The following PAPPA2 variants were observed in gnomAD, a reference collection of about 807,000 sequenced individuals.
PAPPA2 encodes pappalysin-2.
Under a neutral mutation model 176.4 loss-of-function variants are expected in PAPPA2, and 86 were observed. The observed-to-expected ratio is 0.49, with a 90% CI of 0.41 to 0.58. PAPPA2 has a LOEUF of 0.58. PAPPA2 is among the 20% of genes least tolerant of loss of function. The pLI, the probability that PAPPA2 is intolerant of heterozygous loss-of-function variation, is 0.00. For synonymous variants in PAPPA2, 809 were observed against 852.2 expected (o/e 0.95, Z 0.88); for missense variants, 2,073 against 2,256.9 (o/e 0.92, Z 1.65).
chr1:176,676,696 A>T (rs1252651377), intron 4 of PAPPA2, among the ~76,000 whole-genome samples: 2 of 151,786 alleles, frequency 1.3e-5, no homozygotes, highest in East Asian at 3.9e-4. Flanking sequence ...GGTGGTGATT[A>T]CACAAATGTA....
intron 14 of PAPPA2, among the ~76,000 whole-genome samples, chr1:176,765,361 A>C (rs1323622490): frequency 1.3e-5 from 2 of 152,170 alleles, no homozygotes; most frequent in Non-Finnish European, 2.9e-5. Context: ...CCCATGATCT[A>C]TTCATTTCTG....
rs751388811 is a variant in PAPPA2 at position 176,594,554 on chromosome 1, G to A, written c.950G>A (p.Ser317Asn). 6.8e-6 allele frequency: 11 copies of A among 1,614,036 alleles called. No individual in the cohort carries two copies. In the East Asian group the frequency reaches 2.5e-4, roughly 36 times the overall value. The change falls in exon 3 of 23, where the codon AGT becomes AAT. Residue 317 changes from serine to asparagine, a missense_variant. By Grantham distance (46) the Ser-to-Asn change is conservative. Transcript: ENST00000367662. ...GVFDNCSHTV[S>N]DKGWALGIRS... ...TTTGATAACTGCTCCCACACTGTCA[G>A]TGACAAAGGCTGGGCCCTGGGGATC...
rs1270778328 is a variant in PAPPA2 at position 176,845,265 on chromosome 1, C to G, written c.*2811C>G. The G allele has an allele frequency of 6.6e-6, 1 of 152,138 alleles. No individual in the cohort carries two copies. The highest frequency in any genetic ancestry group is 1.5e-5 in the Non-Finnish European group (1 of 68,034). The allele number at this position is 152,138 out of a possible 1,614,324, so 9.4% of individuals were successfully genotyped here. On this transcript the variant is annotated 3_prime_UTR_variant, in exon 23 of 23. Transcript: ENST00000367662. Reference sequence around the variant, plus strand: ...CCAGGTGGCCCAGGGCTAGCTGGCTCTAACAACTAGCATGACAGCCTCCAA... The same window carrying G: ...CCAGGTGGCCCAGGGCTAGCTGGCTGTAACAACTAGCATGACAGCCTCCAA...
chr1:176,636,671 G>A (rs1026857771), intron 3 of PAPPA2, among the ~76,000 whole-genome samples: 12 of 152,054 alleles, frequency 7.9e-5, no homozygotes, highest in African/African-American at 2.9e-4. Flanking sequence ...AAATTCTGGT[G>A]CTTGAACTCT....
chr1:176,789,897 T>A lies in PAPPA2; in HGVS notation c.4804T>A (p.Phe1602Ile). ...GGTGTGTGAGCCACCCCCTCCTGTG[T>A]TTGAAGGCATGTATGAATGTACCAA... Reference protein sequence around the residue: ...PVVCEPPPPVFEGMYECTNGF... With the variant: ...PVVCEPPPPVIEGMYECTNGF... The change falls in exon 18 of 23, where the codon TTT becomes ATT. Residue 1602 changes from phenylalanine (F) to isoleucine (I), a missense_variant. Physicochemically the swap from Phe to Ile is conservative, Grantham distance 21. Coordinates refer to ENST00000367662, the MANE Select transcript of PAPPA2 (RefSeq NM_020318.3). The A allele has an allele frequency of 6.2e-7, 1 of 1,614,182 alleles. No homozygotes were observed. Among genetic ancestry groups the A allele is most frequent in the Non-Finnish European group, 8.5e-7 (1 of 1,180,020 alleles).
At chr1:176,768,724 C>T (rs1346709469) in intron 15 of PAPPA2, among the ~76,000 whole-genome samples, 1 of 152,114 alleles carries the variant, frequency 6.6e-6, no homozygotes, top group Non-Finnish European at 1.5e-5. Flanking sequence ...CGATAAATAT[C>T]TCTTGATTGA....
chr1:176,814,323 T>A (rs764147318), intron 21 of PAPPA2, among the ~76,000 whole-genome samples: 1 of 152,188 alleles, frequency 6.6e-6, no homozygotes, highest in Non-Finnish European at 1.5e-5. Flanking sequence ...CTGTGAAGAA[T>A]GTCAATGGTA....
intron 2 of PAPPA2, among the ~76,000 whole-genome samples, chr1:176,586,814 G>A (rs1259136404): frequency 2.0e-5 from 3 of 152,178 alleles, no homozygotes; most frequent in Non-Finnish European, 2.9e-5. Context: ...ATCCAGTAAT[G>A]TGATTGCTGG....
intron 1 of PAPPA2, among the ~76,000 whole-genome samples, chr1:176,541,961 C>T (rs1184433105): frequency 6.6e-6 from 1 of 152,118 alleles, no homozygotes. Context: ...TTCAAAATGT[C>T]AACATAAAGA....
Position 176,690,400 on chromosome 1 carries a change from G to GCTC in PAPPA2, c.2403_2405dup (p.Pro802dup), listed in dbSNP as rs1287341570. The GCTC allele has an allele frequency of 1.9e-6, 3 of 1,613,994 alleles. No homozygotes were observed. In the African/African-American group the frequency reaches 4.0e-5, roughly 22 times the overall value. ...CTGTGGCTTCACTCGCTTCCCAGGG[G>GCTC]CTCCGTTCACCAACTACATGAGCTA... is the stretch of plus-strand genomic sequence containing the variant. On this transcript the variant is annotated inframe_insertion, in exon 5 of 23. Coordinates refer to ENST00000367662, the MANE Select transcript of PAPPA2 (RefSeq NM_020318.3).
Position 176,682,651 on chromosome 1 carries a change from A to T in PAPPA2, c.2138-7486A>T, listed in dbSNP as rs1659640173. On this transcript the variant is annotated intron_variant, in intron 4 of 22. Coordinates refer to ENST00000367662, the MANE Select transcript of PAPPA2 (RefSeq NM_020318.3). The stretch of plus-strand genomic sequence containing the variant: ...ATATCCAATAAATTATTAGCTATAA[A>T]AAATAAAGATTCACTTCTCTTTCTA... Among the ~76,000 whole-genome samples, 3 of 151,874 alleles carry T rather than the reference A, an allele frequency of 2.0e-5. No individual in the cohort carries two copies. In the Middle Eastern group the frequency reaches 0.01, roughly 517 times the overall value.
At chr1:176,727,983 T>G (rs1267744950) in intron 12 of PAPPA2, among the ~76,000 whole-genome samples, 1 of 151,922 alleles carries the variant, frequency 6.6e-6, no homozygotes, top group Admixed American at 6.6e-5. Flanking sequence ...TTGAAATTTG[T>G]GGATGCAATT....
rs1407419464 is a variant in PAPPA2 at position 176,710,137 on chromosome 1, G to A, written c.3612G>A (p.Lys1204=). ...ACTCCTCTCATGAAGACAAGAAGAAGTGTCCTGTTTCCTTGGTAACTGGAG... is the reference window on the plus strand; with the variant it reads ...ACTCCTCTCATGAAGACAAGAAGAAATGTCCTGTTTCCTTGGTAACTGGAG... The part of the protein sequence containing the change: ...RAYSSHEDKK[K]CPVSLVTGEP... The change falls in exon 11 of 23, where the codon AAG becomes AAA. Residue 1204 remains lysine, a synonymous_variant. Coordinates refer to ENST00000367662, the MANE Select transcript of PAPPA2 (RefSeq NM_020318.3). The A allele has an allele frequency of 3.7e-6, 6 of 1,613,790 alleles. No homozygotes were observed. In the South Asian group the frequency reaches 4.4e-5, roughly 12 times the overall value.
In PAPPA2 at chr1:176,692,311, T is replaced by A. The variant is rs1454248960; in HGVS notation, c.2617T>A (p.Tyr873Asn). 14 of 1,610,218 alleles carry A rather than the reference T, an allele frequency of 8.7e-6. No homozygotes were observed. The South Asian group carries it at 1.5e-4, about 18-fold the overall frequency. ...HWLPPISGVVYDRASGSLCGA... is the reference protein window; with the variant it reads ...HWLPPISGVVNDRASGSLCGA... Reference sequence around the variant, plus strand: ...GCTGCCTCCTATTAGTGGAGTTGTATATGACAGGTGAGAGAGGCACTGGCT... The same window carrying A: ...GCTGCCTCCTATTAGTGGAGTTGTAAATGACAGGTGAGAGAGGCACTGGCT... The change falls in exon 6 of 23, where the codon TAT (tyrosine) becomes AAT (asparagine). Residue 873 changes from tyrosine (Y) to asparagine (N), a missense_variant. Physicochemically the swap from Tyr to Asn is moderately radical, Grantham distance 143 (BLOSUM62 -2). Transcript: ENST00000367662.
rs1182097021 is a variant in PAPPA2 at position 176,840,267 on chromosome 1, A to G, written c.5297A>G (p.Lys1766Arg). 2 of 1,610,402 alleles carry G rather than the reference A, an allele frequency of 1.2e-6. No homozygotes were observed. The highest frequency in any genetic ancestry group is 1.7e-6 in the Non-Finnish European group (2 of 1,177,148). ...TGCTGCTCTTCCACACTCTCCTCCA[A>G]GAAGGTGAGTGAGAGAACCTGGGGA... Reference protein sequence around the residue: ...GDCCSSTLSSKKVIPFAADCD... With the variant: ...GDCCSSTLSSRKVIPFAADCD... The change falls in exon 22 of 23, where the codon AAG becomes AGG. Residue 1766 changes from lysine (K) to arginine (R), a missense_variant. Physicochemically the swap from Lys to Arg is conservative, Grantham distance 26. This residue lies in a region of PAPPA2 where 27 missense variants were observed against 52.1 expected (regional missense o/e 0.52). Coordinates refer to ENST00000367662, the MANE Select transcript of PAPPA2 (RefSeq NM_020318.3).
At chr1:176,641,077 A>G (rs1466220900) in intron 3 of PAPPA2, among the ~76,000 whole-genome samples, 1 of 148,122 alleles carries the variant, frequency 6.8e-6, no homozygotes, top group African/African-American at 2.5e-5. Flanking sequence ...TTCATTGTAG[A>G]TTCTGGATAT....
At chr1:176,717,867 T>C (rs1291828946) in intron 12 of PAPPA2, among the ~76,000 whole-genome samples, 3 of 152,212 alleles carry the variant, frequency 2.0e-5, no homozygotes, top group Non-Finnish European at 2.9e-5. Context: ...TGAGAATATG[T>C]TGTTGGTTTT....
chr1:176,593,166 C>A (rs142665251), intron 2 of PAPPA2, among the ~76,000 whole-genome samples: 40 of 152,266 alleles, frequency 2.6e-4, no homozygotes, highest in African/African-American at 8.2e-4. Context: ...TTAATTTGTG[C>A]TGAAGACAGA....
At chr1:176,732,925 G>A (rs1021420864) in intron 12 of PAPPA2, among the ~76,000 whole-genome samples, 1 of 152,186 alleles carries the variant, frequency 6.6e-6, no homozygotes, top group Non-Finnish European at 1.5e-5. Flanking sequence ...CAGGAGGTGA[G>A]AATTGGGTGA....
Sources: allele counts gnomAD v4.1 joint callset (sites outside exome capture counted in the v4.1 genomes callset), GRCh38; gene constraint gnomAD v4.1.1; regional missense constraint gnomAD v4.1.1; transcripts MANE v1.5; gene names NCBI Gene and HGNC (gene_info 2026-07-23, HGNC 2026-07-21).